GNAS: variants seen among roughly 807,000 people sequenced by gnomAD.
The protein encoded by GNAS is protein ALEX.
Under a neutral mutation model 54.5 loss-of-function variants are expected in GNAS, and 8 were observed. That is an observed-to-expected ratio of 0.15 (90% CI 0.09 to 0.26). GNAS has a LOEUF of 0.26. Among genes scored for constraint, GNAS ranks in the 10% least tolerant of loss-of-function variants. The pLI is 1.00. For missense variants in GNAS, 170 were observed against 529.8 expected, an observed-to-expected ratio of 0.32 and a Z score of 6.67; for synonymous variants, 204 against 191.4, an observed-to-expected ratio of 1.07 and a Z score of -0.54.
At chr20:58,871,930 T>TGTGGCTGGCACAGCTGAGGGGC (rs1357087214) in intron 1 of GNAS, among the ~76,000 whole-genome samples, 28 of 152,008 alleles carry the variant, frequency 1.8e-4, no homozygotes, top group Non-Finnish European at 3.5e-4. Flanking sequence ...CCAAGGAGGG[T>TGTGGCTGGCACAGCTGAGGGGC]GTGGCTGGCA....
chr20:58,854,236 A>C (rs766433732), intron 1 of GNAS: 1 of 1,613,312 alleles, frequency 6.2e-7, no homozygotes, highest in East Asian at 2.2e-5. Flanking sequence ...ACTCCCGTCA[A>C]CATGGACAGC....
At chr20:58,859,628 C>CTTTTT (rs527301154) in intron 1 of GNAS, among the ~76,000 whole-genome samples, 1 of 138,846 alleles carries the variant, frequency 7.2e-6, no homozygotes, top group Non-Finnish European at 1.6e-5. Context: ...ATATCAGACA[C>CTTTTT]TTTTTTTTTT....
intron 1 of GNAS, among the ~76,000 whole-genome samples, chr20:58,851,675 C>T (rs2086180868): frequency 1.3e-5 from 2 of 152,236 alleles, no homozygotes; most frequent in Non-Finnish European, 2.9e-5. Flanking sequence ...CTGAGCTCAC[C>T]GCAGCATGGT....
chr20:58,902,088 C>T (rs776115469), intron 3 of GNAS, among the ~76,000 whole-genome samples: 2 of 147,024 alleles, frequency 1.4e-5, no homozygotes, highest in Non-Finnish European at 3.0e-5. Context: ...AAACTCTGTC[C>T]CCTCCATCTC....
intron 5 of GNAS, among the ~76,000 whole-genome samples, chr20:58,904,647 C>T (rs552927337): frequency 5.9e-5 from 9 of 152,136 alleles, no homozygotes; most frequent in African/African-American, 1.2e-4. Context: ...GTCAGGCTTT[C>T]GTGGGAATTT....
At chr20:58,893,947 A>C (rs1017466328) in intron 1 of GNAS, among the ~76,000 whole-genome samples, 3 of 152,246 alleles carry the variant, frequency 2.0e-5, no homozygotes, top group African/African-American at 7.2e-5. Flanking sequence ...CCTAGTCTAT[A>C]TGACTACATT....
intron 1 of GNAS, among the ~76,000 whole-genome samples, chr20:58,869,226 A>T (rs1052481417): frequency 2.0e-5 from 3 of 152,198 alleles, no homozygotes; most frequent in Non-Finnish European, 4.4e-5. Context: ...AGTTTTTCTC[A>T]ATTGAAAAAA....
chr20:58,839,816 A>G, upstream of GNAS: 1 of 592,432 alleles, frequency 1.7e-6, no homozygotes, highest in South Asian at 2.1e-5. Context: ...AGGCTGCGGA[A>G]TCTAAGACTC....
In GNAS at chr20:58,853,829, C is replaced by A. The variant is rs1311239089; in HGVS notation, c.43+12943C>A. 6.3e-7 allele frequency: 1 copy of A among 1,599,918 alleles called. No homozygotes were observed. Among genetic ancestry groups the A allele is most frequent in the African/African-American group, 1.3e-5 (1 of 74,628 alleles). On this transcript the variant is annotated intron_variant, in intron 1 of 12. Transcript: ENST00000306090. This position sits in a 1 kb window ranked among gnomAD's most constrained non-coding sequence, Gnocchi z 4.4. ...AGGTCCCAGACCTTGCTCCAGGAGG[C>A]CCAGGTGCTGCAGGGGTCCCCGGAG...
chr20:58,841,252 C>T lies in GNAS; in HGVS notation c.43+366C>T, dbSNP rs1466149775. ...TCACTTGTTTTGCGCGCTTTTCTTC[C>T]TCCTAGAAAGACTAGTCTCAAATAA... On this transcript the variant is annotated intron_variant, in intron 1 of 12. Coordinates refer to the GNAS transcript ENST00000306090. This position sits in a 1 kb window ranked among gnomAD's most constrained non-coding sequence, Gnocchi z 5.0. The T allele has an allele frequency of 2.1e-6, 2 of 970,300 alleles. No homozygotes were observed. The highest frequency in any genetic ancestry group is 1.3e-6 in the Non-Finnish European group (1 of 777,604). 60.1% of individuals were successfully genotyped at this position (970,300 alleles called of 1,614,324 possible).
At chr20:58,867,154 A>G (rs1018171906) in intron 1 of GNAS, among the ~76,000 whole-genome samples, 1 of 152,250 alleles carries the variant, frequency 6.6e-6, no homozygotes, top group African/African-American at 2.4e-5. Context: ...TTTGCCTGCG[A>G]AAGTGCAACA....
chr20:58,850,690 T>G (rs1389486103), intron 1 of GNAS: 1 of 398,802 alleles, frequency 2.5e-6, no homozygotes, highest in Admixed American at 4.4e-5. Context: ...CCCCGTTGGC[T>G]GGGTTAGCCT....
intron 2 of GNAS, chr20:58,898,191 T>C (rs865977744): frequency 6.6e-6 from 1 of 152,186 alleles, no homozygotes; most frequent in Non-Finnish European, 1.5e-5. Context: ...AACTGTAGAA[T>C]GCTGCCCTTC....
At chr20:58,854,535 G>C in intron 1 of GNAS, 3 of 1,581,144 alleles carry the variant, frequency 1.9e-6, no homozygotes, top group Non-Finnish European at 2.6e-6. Context: ...TGACTCCGGG[G>C]CATTCGCAGC....
At chr20:58,876,370 T>C (rs949030360) in intron 1 of GNAS, among the ~76,000 whole-genome samples, 3 of 152,260 alleles carry the variant, frequency 2.0e-5, no homozygotes, top group Admixed American at 2.0e-4. Flanking sequence ...ATGGCAGAGT[T>C]CAAAGTCACT....
chr20:58,853,124 CA>C lies in GNAS; in HGVS notation c.43+12240del. 7.0e-7 allele frequency: 1 copy of C among 1,429,236 alleles called. No homozygotes were observed. The allele number at this position is 1,429,236 out of a possible 1,614,324, so 88.5% of individuals were successfully genotyped here. ...CCAGGCCTTGAACCCCCCAACCTCA[CA>C]AGGGTTGGAAAGTGAGGCCGGTGAA... On this transcript the variant is annotated intron_variant, in intron 1 of 12. Coordinates refer to the GNAS transcript ENST00000306090. This position sits in a 1 kb window ranked among gnomAD's most constrained non-coding sequence, Gnocchi z 4.4.
chr20:58,911,163 TCAAAATAAAAATTAAATGTGAG>T lies in GNAS; in HGVS notation c.*339_*360del. 4.0e-6 allele frequency: 2 copies of T among 494,442 alleles called. No homozygotes were observed. Among genetic ancestry groups the T allele is most frequent in the Non-Finnish European group, 7.5e-6 (2 of 265,764 alleles). The allele number at this position is 494,442 out of a possible 1,614,324, so 30.6% of individuals were successfully genotyped here. A position where few individuals can be genotyped will look rare whatever the true frequency, so the allele number is the denominator to read the frequency against. ...TTGTGTTGTGCAGCATTAAAAAAAATCAAAATAAAAATTAAATGTGAGCAAAGAATGATGGGACTCCCGTGAG... is the reference window on the plus strand; with the variant it reads ...TTGTGTTGTGCAGCATTAAAAAAAATCAAAGAATGATGGGACTCCCGTGAG... On this transcript the variant is annotated 3_prime_UTR_variant, in exon 13 of 13. Coordinates refer to ENST00000371085, the MANE Select transcript of GNAS (RefSeq NM_000516.7).
At position 58,910,452 on chromosome 20, in the gene GNAS, A is replaced by C; in HGVS notation, c.1038+51A>C. 2.0e-5 allele frequency: 28 copies of C among 1,396,352 alleles called. No individual in the cohort carries two copies. Among genetic ancestry groups the C allele is most frequent in the Middle Eastern group, 1.9e-4 (1 of 5,276 alleles). 86.5% of individuals were successfully genotyped at this position (1,396,352 alleles called of 1,614,324 possible). A position where few individuals can be genotyped will look rare whatever the true frequency, so the allele number is the denominator to read the frequency against. Reference sequence around the variant, plus strand: ...CTCTCTTGTTCCTCCTCTTTTTCTCATGGATGTAAATTTACTTAATTCCAA... The same window carrying C: ...CTCTCTTGTTCCTCCTCTTTTTCTCCTGGATGTAAATTTACTTAATTCCAA... On this transcript the variant is annotated intron_variant, in intron 12 of 12. Coordinates refer to ENST00000371085, the MANE Select transcript of GNAS (RefSeq NM_000516.7). The surrounding 1 kb of genome is among the most constrained non-coding windows in gnomAD (Gnocchi z 5.8).
intron 1 of GNAS, among the ~76,000 whole-genome samples, chr20:58,843,594 T>C (rs901900227): frequency 6.6e-5 from 10 of 152,236 alleles, no homozygotes; most frequent in Admixed American, 2.6e-4. Flanking sequence ...GCAGATCTTA[T>C]GGTGAACCAC....
Sources: gnomAD v4.1 joint callset for allele counts (sites outside exome capture counted in the v4.1 genomes callset) on GRCh38, gnomAD v4.1.1 for gene constraint, Gnocchi (gnomAD v3.1) non-coding constraint, MANE v1.5 for transcripts, NCBI Gene and HGNC (gene_info 2026-07-23, HGNC 2026-07-21) for gene names.